LRRC49: variants seen among roughly 807,000 people sequenced by gnomAD.
LRRC49 encodes leucine-rich repeat-containing protein 49.
LRRC49 carries 50 observed loss-of-function variants against 83.3 expected under a neutral mutation model. The observed-to-expected ratio is 0.60, with a 90% confidence interval of 0.48 to 0.76. The LOEUF (loss-of-function observed/expected upper bound fraction) is 0.76. Among genes scored for constraint, LRRC49 ranks in the 30% least tolerant of loss-of-function variants. LRRC49 has a pLI of 0.00. For synonymous variants in LRRC49, 286 were observed against 283.3 expected, an observed-to-expected ratio of 1.01 and a Z score of -0.10; for missense variants, 704 against 809.1, an observed-to-expected ratio of 0.87 and a Z score of 1.58.
intron 14 of LRRC49, among the ~76,000 whole-genome samples, chr15:71,015,354 G>T (rs927876184): frequency 6.6e-6 from 1 of 152,174 alleles, no homozygotes; most frequent in Admixed American, 6.5e-5. Context: ...TTGGGGCTAG[G>T]GGATGGTTTT....
chr15:70,930,633 C>T (rs75576283), intron 7 of LRRC49, among the ~76,000 whole-genome samples: 2,081 of 152,242 alleles, frequency 0.014, 56 homozygotes, highest in African/African-American at 0.048. Context: ...TATCTTCTTC[C>T]AATAGAAGGC....
At chr15:70,898,071 G>A (rs2033912326) in intron 3 of LRRC49, among the ~76,000 whole-genome samples, 1 of 152,072 alleles carries the variant, frequency 6.6e-6, no homozygotes, top group African/African-American at 2.4e-5. Flanking sequence ...TATGTACTAT[G>A]CCGTCCATCC....
rs2032630237 is a variant in LRRC49 at position 70,855,349 on chromosome 15, GAAAAAGAAAAAAAAA to G, written c.-299+1881_-299+1895del. On this transcript the variant is annotated intron_variant, in intron 1 of 16. Coordinates refer to the LRRC49 transcript ENST00000544974. ...GACTCCGTCTCAAAAAAAAAAAAAAGAAAAAGAAAAAAAAAGAAAGAAGGAAAGAAGAAAAAGAAA... is the reference window on the plus strand; with the variant it reads ...GACTCCGTCTCAAAAAAAAAAAAAAGGAAAGAAGGAAAGAAGAAAAAGAAA... Among the ~76,000 whole-genome samples the G allele has an allele frequency of 5.0e-5, 7 of 140,330 alleles. No homozygotes were observed. In the South Asian group the frequency reaches 1.4e-3, roughly 28 times the overall value. The allele number at this position is 140,330 out of a possible 152,430, so 92.1% of individuals were successfully genotyped here.
chr15:71,008,229 T>G, intron 11 of LRRC49, 150 bp from the exon 12 acceptor site: 1 of 527,214 alleles, frequency 1.9e-6, no homozygotes, highest in Non-Finnish European at 3.4e-6. Context: ...TGCTAGATAG[T>G]CTATTGAAAA....
At chr15:70,944,996 G>T (rs2035958576) in intron 8 of LRRC49, among the ~76,000 whole-genome samples, 2 of 152,022 alleles carry the variant, frequency 1.3e-5, no homozygotes, top group South Asian at 2.1e-4. Context: ...GTTATATTTT[G>T]CTAGGCTTTG....
intron 4 of LRRC49, 98 bp from the exon 5 acceptor site, chr15:70,904,454 C>T: frequency 1.3e-6 from 1 of 769,574 alleles, no homozygotes; most frequent in East Asian, 2.6e-5. Context: ...TTTTTTTCTC[C>T]TCACAGAATG....
intron 11 of LRRC49, among the ~76,000 whole-genome samples, chr15:70,987,915 G>A (rs904543619): frequency 8.5e-5 from 13 of 152,198 alleles, no homozygotes; most frequent in African/African-American, 3.1e-4. Context: ...ATCAGGAGCA[G>A]GTTGTTCAGT....
chr15:71,048,848 G>T (rs2141316503), intron 15 of LRRC49: 1 of 455,872 alleles, frequency 2.2e-6, no homozygotes, highest in Non-Finnish European at 4.4e-6. Context: ...TGGGTCCCAG[G>T]TTTCTATATG....
intron 8 of LRRC49, among the ~76,000 whole-genome samples, chr15:70,946,295 A>G (rs1199942895): frequency 1.3e-5 from 2 of 152,196 alleles, no homozygotes; most frequent in African/African-American, 2.4e-5. Context: ...CTCAGCTTCT[A>G]TGAGTTCAAC....
intron 14 of LRRC49, among the ~76,000 whole-genome samples, chr15:71,031,016 A>G (rs930626406): frequency 3.9e-5 from 6 of 152,060 alleles, no homozygotes; most frequent in African/African-American, 1.4e-4. Context: ...CAAATTGTCA[A>G]TCTCATTCTC....
intron 1 of LRRC49, chr15:70,859,149 A>AC: frequency 7.2e-7 from 1 of 1,385,116 alleles, no homozygotes. Flanking sequence ...TATATCAACA[A>AC]CCTTAGGTGG....
chr15:70,882,996 G>T, intron 2 of LRRC49: 1 of 1,405,976 alleles, frequency 7.1e-7, no homozygotes, highest in Non-Finnish European at 9.7e-7. Flanking sequence ...AGACAGTATA[G>T]CTGAAAATTT....
intron 7 of LRRC49, among the ~76,000 whole-genome samples, chr15:70,926,751 G>C (rs1400954685): frequency 6.6e-6 from 1 of 151,120 alleles, no homozygotes; most frequent in Admixed American, 6.6e-5. Context: ...TCCCACCTAT[G>C]AGTGAGAACA....
chr15:70,963,189 T>C (rs1432987562), intron 8 of LRRC49, among the ~76,000 whole-genome samples: 1 of 150,776 alleles, frequency 6.6e-6, no homozygotes, highest in East Asian at 2.0e-4. Flanking sequence ...GGTGGGAGGA[T>C]TGCTCGAGCC....
Position 70,939,848 on chromosome 15 carries a change from T to TG in LRRC49, c.773+3026_773+3027insG, listed in dbSNP as rs904136136. ...ATATCACTGAAAATTTTAAACTAGG[T>TG]TTTTTTTTTTTTTTTTTTTTAGGAA... On this transcript the variant is annotated intron_variant, in intron 8 of 15. Coordinates refer to ENST00000260382, the MANE Select transcript of LRRC49 (RefSeq NM_017691.5). 1.6e-4 allele frequency among the ~76,000 whole-genome samples: 18 copies of TG among 110,938 alleles called. 1 individual carries two copies. Among genetic ancestry groups the TG allele is most frequent in the South Asian group, 7.8e-4 (3 of 3,856 alleles). 72.8% of individuals were successfully genotyped at this position (110,938 alleles called of 152,430 possible).
intron 8 of LRRC49, among the ~76,000 whole-genome samples, chr15:70,950,859 CT>C (rs1450391009): frequency 6.6e-6 from 1 of 152,114 alleles, no homozygotes; most frequent in African/African-American, 2.4e-5. Context: ...ATGGTATTTA[CT>C]TGGTTTTCTC....
At chr15:70,859,529 C>T (rs1036359161) in intron 1 of LRRC49, 13 of 675,030 alleles carry the variant, frequency 1.9e-5, no homozygotes, top group African/African-American at 7.0e-5. Flanking sequence ...GATTGCCAAC[C>T]GCAGCCAGGC....
At chr15:70,892,329 G>A, upstream of LRRC49, 1 of 1,549,432 alleles carries the variant, frequency 6.5e-7, no homozygotes, top group Non-Finnish European at 8.7e-7. Context: ...CCTTGGGCAC[G>A]CTCCTCGCAG....
intron 9 of LRRC49, among the ~76,000 whole-genome samples, chr15:70,973,963 C>A (rs2037109261): frequency 6.6e-6 from 1 of 151,824 alleles, no homozygotes; most frequent in South Asian, 2.1e-4. Flanking sequence ...CCCATCTGTA[C>A]TAAAAATACA....
Sources: allele counts gnomAD v4.1 joint callset (sites outside exome capture counted in the v4.1 genomes callset), GRCh38; gene constraint gnomAD v4.1.1; transcripts MANE v1.5; gene names NCBI Gene and HGNC (gene_info 2026-07-23, HGNC 2026-07-21).